GATAD2A: variants seen among roughly 807,000 people sequenced by gnomAD.
GATAD2A encodes GATA zinc finger domain containing 2A.
In GATAD2A, 12 loss-of-function variants were observed where a neutral mutation model predicts 68.5. The observed-to-expected ratio is 0.18, with a 90% CI of 0.11 to 0.28. The LOEUF (loss-of-function observed/expected upper bound fraction) is 0.28. Ranked by LOEUF, GATAD2A falls within the 10% of genes least tolerant of loss-of-function variation. The pLI is 1.00. For synonymous variants in GATAD2A, 410 were observed against 375.3 expected, an observed-to-expected ratio of 1.09 and a Z score of -1.07; for missense variants, 755 against 868.5, an observed-to-expected ratio of 0.87 and a Z score of 1.64.
chr19:19,469,699 C>T (rs923212218), intron 2 of GATAD2A, among the ~76,000 whole-genome samples: 1 of 152,182 alleles, frequency 6.6e-6, no homozygotes, highest in Non-Finnish European at 1.5e-5. Context: ...GTAATGCCAG[C>T]ACTTTGGGAG....
intron 1 of GATAD2A, among the ~76,000 whole-genome samples, chr19:19,425,451 A>G (rs2052964526): frequency 6.6e-6 from 1 of 152,056 alleles, no homozygotes; most frequent in Non-Finnish European, 1.5e-5. Flanking sequence ...TGCAAAGGAG[A>G]TGGCCTGTTT....
At chr19:19,471,302 A>G (rs1381162508) in intron 2 of GATAD2A, among the ~76,000 whole-genome samples, 2 of 152,102 alleles carry the variant, frequency 1.3e-5, no homozygotes, top group African/African-American at 4.8e-5. Flanking sequence ...CATGGATAAA[A>G]CAAACCTGCT....
chr19:19,502,391 A>G lies in GATAD2A; in HGVS notation c.1639A>G (p.Ser547Gly), dbSNP rs776635156. ...TTPRGVLHTF[S>G]PSPKLQNSAS... ...GCCCCGAGGTGTCCTGCACACGTTC[A>G]GTCCGTCACCCAAACTGCAGAACTC... Residue 547 changes from serine to glycine, a missense_variant, in exon 11 of 12, where the codon AGT becomes GGT. Ser to Gly is a moderately conservative substitution (Grantham distance 56). Coordinates refer to ENST00000683918, the MANE Select transcript of GATAD2A (RefSeq NM_001384528.1). The G allele has an allele frequency of 1.2e-6, 2 of 1,613,738 alleles. No individual in the cohort carries two copies. The highest frequency in any genetic ancestry group is 1.7e-6 in the Non-Finnish European group (2 of 1,179,934).
Position 19,507,762 on chromosome 19 carries a change from T to A in GATAD2A, c.*2288T>A, listed in dbSNP as rs996572990. ...CATACTGTGATGTAAACTTTTTTTT[T>A]TTCCCCCCAGGGGGCAAAAGTGTGA... On this transcript the variant is annotated 3_prime_UTR_variant, in exon 12 of 12. Transcript: ENST00000683918. The A allele has an allele frequency of 1.3e-5, 2 of 151,654 alleles. No homozygotes were observed. The highest frequency in any genetic ancestry group is 2.4e-5 in the African/African-American group (1 of 40,936). The allele number at this position is 151,654 out of a possible 1,614,324, so 9.4% of individuals were successfully genotyped here.
At chr19:19,449,594 CAAA>C (rs10532588) in intron 1 of GATAD2A, among the ~76,000 whole-genome samples, 490 of 141,026 alleles carry the variant, frequency 3.5e-3, no homozygotes, top group Non-Finnish European at 4.8e-3. Context: ...TTAAATGTAT[CAAA>C]AAAAAAAAAA....
In GATAD2A at chr19:19,489,390, C is replaced by G. The variant is rs555715024; in HGVS notation, c.270-2916C>G. On this transcript the variant is annotated intron_variant, in intron 2 of 11. Transcript: ENST00000683918. Reference sequence around the variant, plus strand: ...GAACTGGCCGTTGCCATGGTTTTCACGTTGGAAGGCACAGTTAAAGGGTCA... The same window carrying G: ...GAACTGGCCGTTGCCATGGTTTTCAGGTTGGAAGGCACAGTTAAAGGGTCA... Among the ~76,000 whole-genome samples, 4 of 152,316 alleles carry G rather than the reference C, an allele frequency of 2.6e-5. No individual in the cohort carries two copies. In the South Asian group the frequency reaches 8.3e-4, roughly 32 times the overall value.
intron 2 of GATAD2A, among the ~76,000 whole-genome samples, chr19:19,488,944 C>A (rs1441077045): frequency 6.6e-6 from 1 of 152,190 alleles, no homozygotes; most frequent in Admixed American, 6.5e-5. Flanking sequence ...GGCCACGATG[C>A]CATCCCTCTC....
At chr19:19,415,618 A>G (rs868193646) in intron 1 of GATAD2A, among the ~76,000 whole-genome samples, 1 of 118,056 alleles carries the variant, frequency 8.5e-6, no homozygotes, top group African/African-American at 3.4e-5. Flanking sequence ...CCGGGCTAAT[A>G]TTTTTTTTTT....
At chr19:19,492,848 T>G (rs1338470337) in intron 4 of GATAD2A, 136 bp downstream of exon 4, 1 of 741,218 alleles carries the variant, frequency 1.3e-6, no homozygotes, top group Non-Finnish European at 2.2e-6. Flanking sequence ...ACTCCCGCAT[T>G]TGTGGACTCC....
At chr19:19,386,665 ACCCCCGTCTCTCCGAGGGGAG>A in intron 1 of GATAD2A, among the ~76,000 whole-genome samples, 1 of 149,990 alleles carries the variant, frequency 6.7e-6, no homozygotes, top group East Asian at 2.0e-4. Flanking sequence ...TCTCTAGGGA[ACCCCCGTCTCTCCGAGGGGAG>A]CCCTGTCTCT....
intron 1 of GATAD2A, among the ~76,000 whole-genome samples, chr19:19,426,542 G>C (rs560747221): frequency 6.6e-6 from 1 of 152,038 alleles, no homozygotes; most frequent in African/African-American, 2.4e-5. Flanking sequence ...ATAGAATCTT[G>C]CTCTTTTGCC....
chr19:19,392,928 C>G (rs1244492601), intron 1 of GATAD2A, among the ~76,000 whole-genome samples: 1 of 152,102 alleles, frequency 6.6e-6, no homozygotes, highest in African/African-American at 2.4e-5. Context: ...AACTCCTGAC[C>G]TTATGAACTG....
chr19:19,468,634 G>GA (rs2058051272), intron 2 of GATAD2A, among the ~76,000 whole-genome samples: 1 of 152,092 alleles, frequency 6.6e-6, no homozygotes, highest in Admixed American at 6.5e-5. Context: ...CGAGACAATG[G>GA]AAACAAAAAG....
intron 2 of GATAD2A, among the ~76,000 whole-genome samples, chr19:19,478,430 G>A (rs1053184551): frequency 2.0e-5 from 3 of 151,948 alleles, no homozygotes; most frequent in African/African-American, 4.8e-5. Flanking sequence ...GCAAATCCCC[G>A]TTGCTACAAA....
At chr19:19,406,561 C>T in intron 1 of GATAD2A, among the ~76,000 whole-genome samples, 1 of 152,170 alleles carries the variant, frequency 6.6e-6, no homozygotes, top group Admixed American at 6.5e-5. Context: ...CCTGCCTAAC[C>T]CCCGGGAGCC....
At chr19:19,441,125 C>T (rs1445307751) in intron 1 of GATAD2A, among the ~76,000 whole-genome samples, 1 of 151,928 alleles carries the variant, frequency 6.6e-6, no homozygotes. Context: ...TCACTGCAAC[C>T]TCCGCCTTCA....
At chr19:19,493,831 G>A (rs1329505701) in intron 4 of GATAD2A, among the ~76,000 whole-genome samples, 2 of 150,418 alleles carry the variant, frequency 1.3e-5, no homozygotes, top group South Asian at 2.1e-4. Flanking sequence ...GTCACTTGTC[G>A]AAAACTCATG....
At chr19:19,485,600 C>T (rs976548618) in intron 2 of GATAD2A, among the ~76,000 whole-genome samples, 19 of 152,322 alleles carry the variant, frequency 1.2e-4, no homozygotes, top group South Asian at 4.1e-4. Flanking sequence ...GCAGAAGCTG[C>T]AAGGCTTCTG....
At chr19:19,469,821 C>T (rs2058145056) in intron 2 of GATAD2A, among the ~76,000 whole-genome samples, 1 of 152,224 alleles carries the variant, frequency 6.6e-6, no homozygotes, top group African/African-American at 2.4e-5. Flanking sequence ...GTGGCACGCA[C>T]CTATAGTCCC....
Sources: allele counts gnomAD v4.1 joint callset (sites outside exome capture counted in the v4.1 genomes callset), GRCh38; gene constraint gnomAD v4.1.1; transcripts MANE v1.5; gene names NCBI Gene and HGNC (gene_info 2026-07-23, HGNC 2026-07-21).